The following FMN1 variants were observed in gnomAD, a reference collection of about 807,000 sequenced individuals.
The protein encoded by FMN1 is formin-1.
A neutral mutation model predicts 132.4 loss-of-function variants in FMN1; 110 were observed. The observed-to-expected ratio is 0.83, with a 90% CI of 0.71 to 0.97. The LOEUF is 0.97. FMN1 is among the 50% of genes least tolerant of loss of function. FMN1 has a pLI of 0.00. For missense variants in FMN1, 1,792 were observed against 1,705.3 expected (o/e 1.05, Z -0.90); for synonymous variants, 722 against 651.7 (o/e 1.11, Z -1.64).
At chr15:32,925,522 G>A (rs770609925) in intron 10 of FMN1, among the ~76,000 whole-genome samples, 22 of 152,122 alleles carry the variant, frequency 1.4e-4, no homozygotes, top group Non-Finnish European at 5.9e-5. Context: ...TCTTCAACAA[G>A]TAAATTACAA....
chr15:33,179,949 T>C (rs1965639205), intron 3 of FMN1, among the ~76,000 whole-genome samples: 1 of 152,164 alleles, frequency 6.6e-6, no homozygotes, highest in African/African-American at 2.4e-5. Context: ...AGTAAGGAGC[T>C]GGGAGGCAGC....
At chr15:32,995,468 CAAAT>C (rs2033709764) in intron 7 of FMN1, among the ~76,000 whole-genome samples, 1 of 151,994 alleles carries the variant, frequency 6.6e-6, no homozygotes, top group Non-Finnish European at 1.5e-5. Context: ...TCTGTTTTCC[CAAAT>C]AAATAGTAAA....
At chr15:32,850,503 T>A (rs796343771) in intron 17 of FMN1, among the ~76,000 whole-genome samples, 15 of 152,328 alleles carry the variant, frequency 9.8e-5, no homozygotes, top group African/African-American at 3.4e-4. Context: ...CTGGGATGAT[T>A]CAGCAATTCT....
At chr15:32,818,003 T>C (rs2058103098) in intron 17 of FMN1, among the ~76,000 whole-genome samples, 1 of 152,160 alleles carries the variant, frequency 6.6e-6, no homozygotes, top group African/African-American at 2.4e-5. Context: ...AAGTAATAAA[T>C]CCTCATTGTA....
intron 17 of FMN1, among the ~76,000 whole-genome samples, chr15:32,815,710 C>G (rs1262812952): frequency 6.6e-6 from 1 of 152,194 alleles, no homozygotes. Context: ...GATCCAAGGA[C>G]AGTCAACCTA....
intron 6 of FMN1, among the ~76,000 whole-genome samples, chr15:33,009,884 CTTTT>C (rs1402673906): frequency 6.6e-6 from 1 of 151,394 alleles, no homozygotes; most frequent in Non-Finnish European, 1.5e-5. Context: ...ATGGAGGAAT[CTTTT>C]TTTTGTTTGT....
rs28697870 is a variant in FMN1, at chr15:33,119,525, G to A, written c.1868-30551C>T. 7.8e-3 allele frequency among the ~76,000 whole-genome samples: 1,183 copies of A among 152,280 alleles called. 9 individuals carry two copies. The highest frequency in any genetic ancestry group is 0.017 in the South Asian group (80 of 4,822). The stretch of plus-strand genomic sequence containing the variant: ...AGTCCACCGTCCGTACGCTCAGTGG[G>A]CCAGACAGGTTTCGCCACTTTATAG... On this transcript the variant is annotated intron_variant, in intron 4 of 20. Transcript: ENST00000616417.
intron 7 of FMN1, among the ~76,000 whole-genome samples, chr15:32,984,690 A>T (rs1270048906): frequency 6.6e-6 from 1 of 152,216 alleles, no homozygotes; most frequent in Non-Finnish European, 1.5e-5. Context: ...ATGTTTGTTT[A>T]GATGGTGGTG....
At chr15:33,140,669 C>T (rs1052382494) in intron 4 of FMN1, among the ~76,000 whole-genome samples, 10 of 152,130 alleles carry the variant, frequency 6.6e-5, no homozygotes, top group African/African-American at 2.4e-4. Flanking sequence ...ATATAAAAAA[C>T]GAAATGCTTA....
rs929999020 is a variant in FMN1, at chr15:32,770,058, G to C, written c.*4252C>G. On this transcript the variant is annotated 3_prime_UTR_variant, in exon 21 of 21. Transcript: ENST00000616417. The stretch of plus-strand genomic sequence containing the variant: ...GATCAGATATGTGGGAGGGGGGAAG[G>C]CTATATATTTTTGGACTTCTTCCTT... 1.3e-5 allele frequency: 2 copies of C among 152,100 alleles called. No homozygotes were observed. The highest frequency in any genetic ancestry group is 2.4e-5 in the African/African-American group (1 of 41,400). 9.4% of individuals were successfully genotyped at this position (152,100 alleles called of 1,614,324 possible).
chr15:32,965,800 A>G lies in FMN1; in HGVS notation c.2988-1543T>C, dbSNP rs149906464. Among the ~76,000 whole-genome samples the G allele has an allele frequency of 4.9e-3, 745 of 152,326 alleles. 3 individuals carry two copies. The highest frequency in any genetic ancestry group is 0.011 in the Admixed American group (175 of 15,300). On this transcript the variant is annotated intron_variant, in intron 8 of 20. Coordinates refer to ENST00000616417, the MANE Select transcript of FMN1 (RefSeq NM_001277313.2). ...TAATAGTATGACATATGGAAGTTAT[A>G]AAGTATAACAATAGAATGAACACCT...
intron 7 of FMN1, among the ~76,000 whole-genome samples, chr15:32,976,495 A>T (rs780009071): frequency 2.7e-4 from 41 of 152,206 alleles, no homozygotes; most frequent in Admixed American, 1.0e-3. Flanking sequence ...GTAAAAACAA[A>T]AGTTTCTATT....
chr15:33,056,249 G>C (rs1455337581), intron 6 of FMN1, among the ~76,000 whole-genome samples: 7 of 152,094 alleles, frequency 4.6e-5, no homozygotes, highest in African/African-American at 1.7e-4. Flanking sequence ...CATGTCCAAG[G>C]GTGTTCAGAG....
chr15:32,898,764 C>T, intron 15 of FMN1, 70 bp downstream of exon 15: 3 of 999,558 alleles, frequency 3.0e-6, no homozygotes, highest in Non-Finnish European at 4.7e-6. Flanking sequence ...ATCCATCTAT[C>T]CATCATCCAA....
intron 17 of FMN1, among the ~76,000 whole-genome samples, chr15:32,835,293 T>C (rs1032735855): frequency 1.3e-5 from 2 of 152,194 alleles, no homozygotes; most frequent in South Asian, 2.1e-4. Context: ...GCATCTCTTA[T>C]TTTATTATTT....
intron 9 of FMN1, among the ~76,000 whole-genome samples, chr15:32,952,924 A>T (rs187683500): frequency 6.6e-6 from 1 of 152,188 alleles, no homozygotes; most frequent in Non-Finnish European, 1.5e-5. Context: ...GTCAACGTAG[A>T]GTCTCACGTC....
chr15:32,801,549 G>C lies in FMN1; in HGVS notation c.3981-2596C>G, dbSNP rs920690465. Among the ~76,000 whole-genome samples the C allele has an allele frequency of 2.0e-5, 3 of 152,010 alleles. No individual in the cohort carries two copies. The South Asian group carries it at 6.2e-4, about 32-fold the overall frequency. Reference sequence around the variant, plus strand: ...TGGGAGGCCGAGGCGGGTGCATCACGAGGTCAGGAGATCGAGACCATCCTG... The same window carrying C: ...TGGGAGGCCGAGGCGGGTGCATCACCAGGTCAGGAGATCGAGACCATCCTG... On this transcript the variant is annotated intron_variant, in intron 18 of 20. Coordinates refer to ENST00000616417, the MANE Select transcript of FMN1 (RefSeq NM_001277313.2).
intron 5 of FMN1, among the ~76,000 whole-genome samples, chr15:33,084,641 G>C (rs2038618556): frequency 6.6e-6 from 1 of 152,130 alleles, no homozygotes; most frequent in South Asian, 2.1e-4. Context: ...TTGTTTGTTT[G>C]TTTGTTTTCA....
At chr15:32,863,413 G>A (rs1396331401) in intron 16 of FMN1, among the ~76,000 whole-genome samples, 4 of 152,232 alleles carry the variant, frequency 2.6e-5, no homozygotes, top group Non-Finnish European at 5.9e-5. Context: ...CAGCCTGGGC[G>A]ACAGAGCGAG....
Sources: gnomAD v4.1 joint callset for allele counts (sites outside exome capture counted in the v4.1 genomes callset) on GRCh38, gnomAD v4.1.1 for gene constraint, MANE v1.5 for transcripts, NCBI Gene and HGNC (gene_info 2026-07-23, HGNC 2026-07-21) for gene names.